THSD7B: variants seen among roughly 807,000 people sequenced by gnomAD.
The protein encoded by THSD7B is thrombospondin type-1 domain-containing protein 7B.
Under a neutral mutation model 213.6 loss-of-function variants are expected in THSD7B, and 138 were observed. The ratio of observed to expected loss-of-function variants is 0.65; its 90% CI spans 0.56 to 0.74. The LOEUF is 0.74. Ranked by LOEUF, THSD7B falls within the 30% of genes least tolerant of loss-of-function variation. The pLI is 0.00. For synonymous variants in THSD7B, 742 were observed against 687.0 expected (o/e 1.08, Z -1.25); for missense variants, 1,931 against 1,991.5 (o/e 0.97, Z 0.58).
At chr2:137,009,532 G>A (rs1253271976) in intron 2 of THSD7B, among the ~76,000 whole-genome samples, 13 of 152,128 alleles carry the variant, frequency 8.5e-5, no homozygotes, top group African/African-American at 3.1e-4. Context: ...AGAAATAGAG[G>A]TTTAATGGAC....
intron 3 of THSD7B, among the ~76,000 whole-genome samples, chr2:137,086,840 C>T (rs141271524): frequency 6.6e-6 from 1 of 152,234 alleles, no homozygotes; most frequent in East Asian, 1.9e-4. Context: ...AAAAATTTGA[C>T]AATACTTTAT....
At chr2:137,479,548 C>T (rs910621229) in intron 15 of THSD7B, 6 of 327,554 alleles carry the variant, frequency 1.8e-5, no homozygotes, top group Non-Finnish European at 3.1e-5. Flanking sequence ...AGGCAGGTGG[C>T]TGGGGACCAT....
In THSD7B at chr2:137,676,644, A is replaced by T. The variant is rs1683708736; in HGVS notation, c.*39A>T. The T allele has an allele frequency of 6.6e-7, 1 of 1,505,864 alleles. No homozygotes were observed. Among genetic ancestry groups the T allele is most frequent in the African/African-American group, 1.4e-5 (1 of 70,350 alleles). The allele number at this position is 1,505,864 out of a possible 1,614,324, so 93.3% of individuals were successfully genotyped here. The stretch of plus-strand genomic sequence containing the variant: ...TCCAAATGTAGACATCAACTGCCTT[A>T]ACCGCTTTCTCTTTTGTAGCTCTCA... On this transcript the variant is annotated 3_prime_UTR_variant, in exon 28 of 28. Transcript: ENST00000409968.
At chr2:137,107,876 C>T (rs968864899) in intron 4 of THSD7B, among the ~76,000 whole-genome samples, 5 of 152,238 alleles carry the variant, frequency 3.3e-5, no homozygotes, top group African/African-American at 1.2e-4. Flanking sequence ...CCACTTTATC[C>T]AATAAAAAAT....
chr2:137,272,810 C>A, intron 11 of THSD7B, 148 bp downstream of exon 11: 1 of 928,716 alleles, frequency 1.1e-6, no homozygotes, highest in Non-Finnish European at 1.6e-6. Context: ...TTCTTACCCT[C>A]TTATCTGGAA....
At chr2:137,373,590 G>C (rs1433050504) in intron 12 of THSD7B, among the ~76,000 whole-genome samples, 1 of 152,204 alleles carries the variant, frequency 6.6e-6, no homozygotes, top group Non-Finnish European at 1.5e-5. Flanking sequence ...TGTAGATTCT[G>C]GATATTAGCC....
intron 2 of THSD7B, among the ~76,000 whole-genome samples, chr2:136,889,821 C>T (rs1250320864): frequency 6.6e-6 from 1 of 152,190 alleles, no homozygotes; most frequent in Non-Finnish European, 1.5e-5. Context: ...CATCCTTTTG[C>T]TCTCGATCAT....
rs35848268 is a variant in THSD7B, at chr2:136,952,434, C to CTTTTTTTTT, written c.139+70128_139+70136dup. ...TGAGAGACATAGTTTGGGCAGAAAACTTTTTTTTTTTTTTTTTTTGTGGGT... is the reference window on the plus strand; with the variant it reads ...TGAGAGACATAGTTTGGGCAGAAAACTTTTTTTTTTTTTTTTTTTTTTTTTTTTGTGGGT... On this transcript the variant is annotated intron_variant, in intron 2 of 27. Coordinates refer to ENST00000409968, the MANE Select transcript of THSD7B (RefSeq NM_001316349.2). Among the ~76,000 whole-genome samples the CTTTTTTTTT allele has an allele frequency of 2.7e-4, 34 of 125,592 alleles. 1 individual carries two copies. The highest frequency in any genetic ancestry group is 9.1e-4 in the African/African-American group (30 of 33,058). The allele number at this position is 125,592 out of a possible 152,430, so 82.4% of individuals were successfully genotyped here. A position where few individuals can be genotyped will look rare whatever the true frequency, so the allele number is the denominator to read the frequency against.
In THSD7B at chr2:137,260,167, G is replaced by A. The variant is rs1202332358; in HGVS notation, c.2267-12366G>A. Among the ~76,000 whole-genome samples, 4 of 152,060 alleles carry A rather than the reference G, an allele frequency of 2.6e-5. No individual in the cohort carries two copies. In the East Asian group the frequency reaches 7.7e-4, roughly 29 times the overall value. ...AAATAAAAGGAGAAGGAACTTATAG[G>A]ACATGTCAACAAATTATAGCCCAAA... On this transcript the variant is annotated intron_variant, in intron 10 of 27. Coordinates refer to ENST00000409968, the MANE Select transcript of THSD7B (RefSeq NM_001316349.2).
chr2:136,850,595 T>TA (rs559875149), intron 1 of THSD7B, among the ~76,000 whole-genome samples: 44 of 148,584 alleles, frequency 3.0e-4, no homozygotes, highest in South Asian at 1.3e-3. Context: ...GCTGAAAGTG[T>TA]AAAAAAAAAA....
chr2:137,594,199 A>C (rs1321899033), intron 17 of THSD7B, among the ~76,000 whole-genome samples: 4 of 152,010 alleles, frequency 2.6e-5, no homozygotes, highest in Non-Finnish European at 1.5e-5. Context: ...TTTGAGGCAA[A>C]GGATCTAGGC....
At chr2:136,795,163 A>C (rs1376752994) in intron 1 of THSD7B, among the ~76,000 whole-genome samples, 1 of 151,924 alleles carries the variant, frequency 6.6e-6, no homozygotes, top group Non-Finnish European at 1.5e-5. Context: ...ACAGTTCTGG[A>C]GGTTAGGAGT....
At chr2:136,920,924 A>G (rs1684427047) in intron 2 of THSD7B, among the ~76,000 whole-genome samples, 1 of 152,166 alleles carries the variant, frequency 6.6e-6, no homozygotes, top group Non-Finnish European at 1.5e-5. Flanking sequence ...AATGGTTGCC[A>G]GGAGGAGGGA....
rs1279810628 is a variant in THSD7B, at chr2:137,450,879, A to C, written c.2994A>C (p.Pro998=). Residue 998 remains proline, a synonymous_variant, in exon 15 of 28, where the codon CCA becomes CCC. Coordinates refer to ENST00000409968, the MANE Select transcript of THSD7B (RefSeq NM_001316349.2). The stretch of plus-strand genomic sequence containing the variant: ...AAGAAAAATGTGTCATTCCCTGCCC[A>C]TTTGATTGCAAGTTAAGCGATTGGT... ...YIQEKCVIPC[P]FDCKLSDWSS... is the part of the protein sequence containing the mutation. The C allele has an allele frequency of 6.2e-7, 1 of 1,610,598 alleles. No individual in the cohort carries two copies. Among genetic ancestry groups the C allele is most frequent in the Admixed American group, 1.7e-5 (1 of 59,432 alleles).
intron 3 of THSD7B, among the ~76,000 whole-genome samples, chr2:137,073,950 C>G (rs998699209): frequency 2.6e-5 from 4 of 152,104 alleles, no homozygotes; most frequent in South Asian, 2.1e-4. Context: ...GTCTGAGAGA[C>G]AGTTTGTTAT....
chr2:137,092,744 C>G (rs982457669), intron 3 of THSD7B, among the ~76,000 whole-genome samples: 1 of 152,166 alleles, frequency 6.6e-6, no homozygotes, highest in African/African-American at 2.4e-5. Context: ...AAGCAACTCT[C>G]CTGCTTCAGC....
chr2:137,123,759 AT>A (rs1688584419), intron 5 of THSD7B, among the ~76,000 whole-genome samples: 1 of 151,842 alleles, frequency 6.6e-6, no homozygotes, highest in African/African-American at 2.4e-5. Flanking sequence ...TCCTCCTTCA[AT>A]TTCTTTCTCT....
At chr2:136,966,820 CTTCT>C (rs754542580) in intron 2 of THSD7B, among the ~76,000 whole-genome samples, 13 of 152,242 alleles carry the variant, frequency 8.5e-5, no homozygotes, top group African/African-American at 3.1e-4. Context: ...ACCTTTTTTC[CTTCT>C]TTCTAAGTCC....
intron 12 of THSD7B, among the ~76,000 whole-genome samples, chr2:137,395,100 A>G (rs1354807111): frequency 2.8e-5 from 4 of 142,802 alleles, no homozygotes; most frequent in Non-Finnish European, 6.2e-5. Flanking sequence ...AAATCATGTC[A>G]TCTGCAAACA....
Sources: allele counts gnomAD v4.1 joint callset (sites outside exome capture counted in the v4.1 genomes callset), GRCh38; gene constraint gnomAD v4.1.1; transcripts MANE v1.5; gene names NCBI Gene and HGNC (gene_info 2026-07-23, HGNC 2026-07-21).